The following DKK2 variants were observed in gnomAD, a reference collection of about 807,000 sequenced individuals.
DKK2 encodes the protein dickkopf Wnt signaling pathway inhibitor 2.
In DKK2, 11 loss-of-function variants were observed where a neutral mutation model predicts 28.1. The observed-to-expected ratio is 0.39, with a 90% confidence interval of 0.25 to 0.65. The LOEUF is 0.65. Ranked by LOEUF, DKK2 falls within the 30% of genes least tolerant of loss-of-function variation. The pLI is 0.47. For missense variants in DKK2, 326 were observed against 335.5 expected, an observed-to-expected ratio of 0.97 and a Z score of 0.22; for synonymous variants, 135 against 126.5, an observed-to-expected ratio of 1.07 and a Z score of -0.45.
chr4:106,931,323 A>G (rs537816890), intron 1 of DKK2, among the ~76,000 whole-genome samples: 54 of 152,242 alleles, frequency 3.5e-4, no homozygotes, highest in African/African-American at 1.2e-3. Context: ...GTATTCAATC[A>G]ATATTTATTT....
chr4:106,998,888 A>G (rs1723315718), intron 1 of DKK2, among the ~76,000 whole-genome samples: 1 of 152,208 alleles, frequency 6.6e-6, no homozygotes, highest in Admixed American at 6.5e-5. Context: ...GTGATTTTAC[A>G]TCTGATAAAA....
chr4:106,958,267 A>T lies in DKK2; in HGVS notation c.223-32318T>A, dbSNP rs146055910. ...ATAAATATTAGTCAATCTTTTCTAA[A>T]AGGATTAGTCAAAACTAGATGCAAA... On this transcript the variant is annotated intron_variant, in intron 1 of 3. Coordinates refer to ENST00000285311, the MANE Select transcript of DKK2 (RefSeq NM_014421.3). Among the ~76,000 whole-genome samples, 7 of 152,072 alleles carry T rather than the reference A, an allele frequency of 4.6e-5. No homozygotes were observed. In the East Asian group the frequency reaches 1.4e-3, roughly 29 times the overall value.
chr4:106,957,212 C>T (rs1199739915), intron 1 of DKK2, among the ~76,000 whole-genome samples: 2 of 151,784 alleles, frequency 1.3e-5, no homozygotes, highest in Non-Finnish European at 2.9e-5. Flanking sequence ...GATACCATCT[C>T]ACACCAGTTA....
rs1162104070 is a variant in DKK2, at chr4:106,963,003, T to C, written c.223-37054A>G. ...TGAAACTGGGAGGCAGAGGGTGCAG[T>C]GAGCCAAGATCAAGCCACTTCACTC... On this transcript the variant is annotated intron_variant, in intron 1 of 3. Transcript: ENST00000285311. Among the ~76,000 whole-genome samples, 11 of 152,116 alleles carry C rather than the reference T, an allele frequency of 7.2e-5. No homozygotes were observed. In the East Asian group the frequency reaches 1.4e-3, roughly 19 times the overall value.
In DKK2 at chr4:106,922,130, G is replaced by A. The variant is rs1221023964; in HGVS notation, c.*1824C>T. 2 of 152,502 alleles carry A rather than the reference G, an allele frequency of 1.3e-5. No individual in the cohort carries two copies. The highest frequency in any genetic ancestry group is 4.8e-5 in the African/African-American group (2 of 41,416). The allele number at this position is 152,502 out of a possible 1,614,324, so 9.4% of individuals were successfully genotyped here. A position where few individuals can be genotyped will look rare whatever the true frequency, so the allele number is the denominator to read the frequency against. ...CAAACTTTGGTTCTTGGATGGACTA[G>A]TTTATAATTTTTGTTTTTGCAGACC... is the stretch of plus-strand genomic sequence containing the variant. On this transcript the variant is annotated 3_prime_UTR_variant, in exon 4 of 4. Transcript: ENST00000285311.
At chr4:106,964,824 G>T (rs1007308741) in intron 1 of DKK2, among the ~76,000 whole-genome samples, 3 of 152,042 alleles carry the variant, frequency 2.0e-5, no homozygotes, top group Non-Finnish European at 4.4e-5. Context: ...AACACCAATT[G>T]TTTCTGAATT....
chr4:106,928,837 G>T (rs780163978), intron 1 of DKK2, among the ~76,000 whole-genome samples: 2 of 152,168 alleles, frequency 1.3e-5, no homozygotes, highest in Non-Finnish European at 2.9e-5. Flanking sequence ...AAGTATGAGG[G>T]TTCTGCAGTT....
intron 1 of DKK2, among the ~76,000 whole-genome samples, chr4:107,005,375 T>C (rs1292815181): frequency 6.8e-6 from 1 of 147,886 alleles, no homozygotes; most frequent in African/African-American, 2.5e-5. Context: ...AAACAAAAGA[T>C]GATTATTTGT....
At chr4:106,939,066 C>T (rs1286938328) in intron 1 of DKK2, among the ~76,000 whole-genome samples, 1 of 152,112 alleles carries the variant, frequency 6.6e-6, no homozygotes. Context: ...CAGGGATGCC[C>T]TCTCTCACCA....
intron 1 of DKK2, among the ~76,000 whole-genome samples, chr4:106,998,685 T>G (rs1723312212): frequency 6.6e-6 from 1 of 152,200 alleles, no homozygotes; most frequent in Non-Finnish European, 1.5e-5. Context: ...ACAATAAGTC[T>G]TATATGAATA....
At chr4:106,938,241 AAG>A (rs576161458) in intron 1 of DKK2, among the ~76,000 whole-genome samples, 4,765 of 150,502 alleles carry the variant, frequency 0.032, 76 homozygotes, top group African/African-American at 0.037. Context: ...TAAAGAAAAA[AAG>A]AGAGAAGAAT....
At chr4:106,945,905 C>G (rs1005246273) in intron 1 of DKK2, among the ~76,000 whole-genome samples, 1 of 152,128 alleles carries the variant, frequency 6.6e-6, no homozygotes, top group Non-Finnish European at 1.5e-5. Flanking sequence ...TAACCACAGC[C>G]AGCCATGGAT....
intron 1 of DKK2, among the ~76,000 whole-genome samples, chr4:106,960,803 T>C (rs1722674916): frequency 6.6e-6 from 1 of 152,290 alleles, no homozygotes; most frequent in East Asian, 1.9e-4. Flanking sequence ...ATTCTCTTTT[T>C]CTACCAAGCC....
At chr4:106,998,018 C>G (rs1723300697) in intron 1 of DKK2, among the ~76,000 whole-genome samples, 1 of 152,098 alleles carries the variant, frequency 6.6e-6, no homozygotes. Context: ...AGTCTTAAAG[C>G]TGTCAGAACT....
intron 1 of DKK2, among the ~76,000 whole-genome samples, chr4:106,929,340 G>A (rs1724468760): frequency 6.6e-6 from 1 of 152,156 alleles, no homozygotes; most frequent in Non-Finnish European, 1.5e-5. Context: ...TTGTGTGGAA[G>A]ACTGGAAATC....
intron 1 of DKK2, among the ~76,000 whole-genome samples, chr4:107,011,869 C>G (rs1025234974): frequency 6.6e-6 from 1 of 151,282 alleles, no homozygotes; most frequent in Non-Finnish European, 1.5e-5. Flanking sequence ...CAAATAGCAC[C>G]TTAGTATTAT....
At chr4:106,952,528 T>C (rs183762147) in intron 1 of DKK2, among the ~76,000 whole-genome samples, 3 of 152,236 alleles carry the variant, frequency 2.0e-5, no homozygotes, top group Non-Finnish European at 4.4e-5. Context: ...ATTTCATAAT[T>C]AATCAAATCC....
chr4:106,977,739 C>G (rs1722966311), intron 1 of DKK2, among the ~76,000 whole-genome samples: 1 of 152,178 alleles, frequency 6.6e-6, no homozygotes, highest in Non-Finnish European at 1.5e-5. Flanking sequence ...CTACTTCTGT[C>G]AATTCGTCAA....
intron 1 of DKK2, among the ~76,000 whole-genome samples, chr4:106,963,269 C>T (rs1314273856): frequency 6.6e-6 from 1 of 151,810 alleles, no homozygotes; most frequent in Non-Finnish European, 1.5e-5. Flanking sequence ...AGGAGAATCG[C>T]TTGAACCCTG....
Sources: gnomAD v4.1 joint callset for allele counts (sites outside exome capture counted in the v4.1 genomes callset) on GRCh38, gnomAD v4.1.1 for gene constraint, MANE v1.5 for transcripts, NCBI Gene and HGNC (gene_info 2026-07-23, HGNC 2026-07-21) for gene names.